The following PHLDB2 variants were observed in gnomAD, a reference collection of about 807,000 sequenced individuals.
PHLDB2 encodes the protein pleckstrin homology like domain family B member 2.
Under a neutral mutation model 123.6 loss-of-function variants are expected in PHLDB2, and 71 were observed. The ratio of observed to expected loss-of-function variants is 0.57; its 90% confidence interval spans 0.47 to 0.70. The LOEUF (loss-of-function observed/expected upper bound fraction) is 0.70. Ranked by LOEUF, PHLDB2 falls within the 30% of genes least tolerant of loss-of-function variation. The pLI, the probability that PHLDB2 is intolerant of heterozygous loss-of-function variation, is 0.00. For missense variants in PHLDB2, 1,446 were observed against 1,519.5 expected, an observed-to-expected ratio of 0.95 and a Z score of 0.80; for synonymous variants, 547 against 541.6, an observed-to-expected ratio of 1.01 and a Z score of -0.14.
At chr3:111,915,168 A>G (rs543976627) in intron 3 of PHLDB2, 16 of 152,304 alleles carry the variant, frequency 1.1e-4, no homozygotes, top group South Asian at 8.3e-4. Flanking sequence ...TTCAACTGTG[A>G]GATTCTTTAG....
intron 1 of PHLDB2, among the ~76,000 whole-genome samples, chr3:111,737,988 G>A (rs62275532): frequency 0.39 from 59,035 of 151,924 alleles, 13,440 homozygotes; most frequent in Middle Eastern, 0.55. Flanking sequence ...TCGGCCAGAA[G>A]ATGTTGCAGT....
intron 1 of PHLDB2, among the ~76,000 whole-genome samples, chr3:111,815,375 G>C (rs2062028184): frequency 6.6e-6 from 1 of 152,208 alleles, no homozygotes; most frequent in Non-Finnish European, 1.5e-5. Flanking sequence ...ATGTGGGAAA[G>C]TTTGGAACTC....
chr3:111,732,665 A>C (rs1222316720), exon 1 of PHLDB2: 10 of 1,535,766 alleles, frequency 6.5e-6, no homozygotes, highest in Non-Finnish European at 8.7e-6. Context: ...TCAGGAAAGA[A>C]GCTGAGGGAA....
chr3:111,927,366 A>C (rs1390434988), intron 5 of PHLDB2, among the ~76,000 whole-genome samples: 1 of 152,100 alleles, frequency 6.6e-6, no homozygotes, highest in Non-Finnish European at 1.5e-5. Flanking sequence ...ATCTCTGTCA[A>C]ATAAATAAAT....
At chr3:111,859,089 CCTG>C (rs1472112717), upstream of PHLDB2, 1 of 862,398 alleles carries the variant, frequency 1.2e-6, no homozygotes, top group African/African-American at 1.8e-5. Context: ...ATTTTGCAAA[CCTG>C]CTTTCTGACG....
Position 111,839,940 on chromosome 3 carries a change from C to CTTTTTTTTTTTTT in PHLDB2, c.-48-5869_-48-5857dup, listed in dbSNP as rs3082317. Among the ~76,000 whole-genome samples the CTTTTTTTTTTTTT allele has an allele frequency of 4.3e-4, 28 of 64,944 alleles. 3 individuals are homozygous for CTTTTTTTTTTTTT. Among genetic ancestry groups the CTTTTTTTTTTTTT allele is most frequent in the South Asian group, 8.4e-4 (1 of 1,184 alleles). 42.6% of individuals were successfully genotyped at this position (64,944 alleles called of 152,430 possible). A position where few individuals can be genotyped will look rare whatever the true frequency, so the allele number is the denominator to read the frequency against. On this transcript the variant is annotated intron_variant, in intron 1 of 17. Transcript: ENST00000393923. ...TTTGTTTAAAAGCCCCCCACCCCCG[C>CTTTTTTTTTTTTT]TTTTTTTTTTTTTTTTTTTTTTTTG...
chr3:111,790,455 G>C (rs543789689), intron 1 of PHLDB2, among the ~76,000 whole-genome samples: 32 of 152,280 alleles, frequency 2.1e-4, no homozygotes, highest in Admixed American at 7.2e-4. Flanking sequence ...CACACAACTA[G>C]TAGTCTCTTC....
chr3:111,756,027 T>C (rs2059881805), intron 1 of PHLDB2, among the ~76,000 whole-genome samples: 3 of 152,130 alleles, frequency 2.0e-5, no homozygotes. Context: ...CAGTTTGTTA[T>C]AATTTCTGTT....
intron 1 of PHLDB2, chr3:111,845,773 C>A (rs1363046608): frequency 1.2e-6 from 2 of 1,601,938 alleles, no homozygotes; most frequent in East Asian, 2.2e-5. Context: ...TTTCAGAGGT[C>A]AATTCAGCTT....
chr3:111,859,215 C>T, upstream of PHLDB2: 19 of 985,374 alleles, frequency 1.9e-5, no homozygotes, highest in Non-Finnish European at 2.0e-5. Context: ...GGACGTAAAC[C>T]CTCCCGCCCT....
intron 1 of PHLDB2, among the ~76,000 whole-genome samples, chr3:111,751,891 T>C (rs1296395442): frequency 6.6e-6 from 1 of 152,096 alleles, no homozygotes; most frequent in Admixed American, 6.6e-5. Context: ...AGCTAGAAAG[T>C]TGAAATTCAA....
At chr3:111,928,443 T>G (rs1428314910) in intron 5 of PHLDB2, among the ~76,000 whole-genome samples, 1 of 152,226 alleles carries the variant, frequency 6.6e-6, no homozygotes, top group Non-Finnish European at 1.5e-5. Context: ...TGCTTGTTAC[T>G]AAGCCTTCTA....
At chr3:111,858,998 C>G (rs1309422253), upstream of PHLDB2, among the ~76,000 whole-genome samples, 1 of 152,176 alleles carries the variant, frequency 6.6e-6, no homozygotes, top group East Asian at 1.9e-4. Flanking sequence ...TAAAAACTTT[C>G]AAGAGATATG....
intron 1 of PHLDB2, among the ~76,000 whole-genome samples, chr3:111,741,219 A>G (rs2059598402): frequency 6.6e-6 from 1 of 152,180 alleles, no homozygotes; most frequent in South Asian, 2.1e-4. Flanking sequence ...TCATACACCT[A>G]CCCACAGCCC....
chr3:111,963,059 AT>A (rs368088615), intron 13 of PHLDB2, among the ~76,000 whole-genome samples: 98 of 152,212 alleles, frequency 6.4e-4, no homozygotes, highest in African/African-American at 2.3e-3. Flanking sequence ...GTATGTTAAA[AT>A]TTTTGTAAGG....
At chr3:111,934,946 T>C (rs572806139) in intron 6 of PHLDB2, among the ~76,000 whole-genome samples, 3 of 152,280 alleles carry the variant, frequency 2.0e-5, no homozygotes, top group African/African-American at 7.2e-5. Flanking sequence ...ATTGTAGATA[T>C]CACTGGATAA....
At chr3:111,832,208 A>G (rs1252890624) in intron 1 of PHLDB2, among the ~76,000 whole-genome samples, 1 of 152,160 alleles carries the variant, frequency 6.6e-6, no homozygotes, top group East Asian at 1.9e-4. Flanking sequence ...ACCACTTCAT[A>G]CCAAATACAA....
In PHLDB2 at chr3:111,735,216, C is replaced by G. The variant is rs149219025; in HGVS notation, c.-49+2513C>G. On this transcript the variant is annotated intron_variant, in intron 1 of 17. Coordinates refer to the PHLDB2 transcript ENST00000393923. ...CATTTAAATCTAAGAGACTTGGGCA[C>G]AGAGAGGCTTAAAGCCCGAGAAACC... Among the ~76,000 whole-genome samples the G allele has an allele frequency of 1.6e-3, 247 of 152,266 alleles. 1 individual carries two copies. The highest frequency in any genetic ancestry group is 5.6e-3 in the African/African-American group (233 of 41,566).
At chr3:111,967,052 C>CTT (rs1368789320) in intron 14 of PHLDB2, among the ~76,000 whole-genome samples, 1 of 151,686 alleles carries the variant, frequency 6.6e-6, no homozygotes, top group East Asian at 1.9e-4. Context: ...AATGTCATGT[C>CTT]TTTATGCATT....
Sources: allele counts gnomAD v4.1 joint callset (sites outside exome capture counted in the v4.1 genomes callset), GRCh38; gene constraint gnomAD v4.1.1; transcripts MANE v1.5; gene names NCBI Gene and HGNC (gene_info 2026-07-23, HGNC 2026-07-21).